BZW2: variants seen among roughly 807,000 people sequenced by gnomAD.
BZW2 encodes eIF5-mimic protein 1.
In BZW2, 23 loss-of-function variants were observed where a neutral mutation model predicts 53.2. The ratio of observed to expected loss-of-function variants is 0.43; its 90% CI spans 0.31 to 0.61. The LOEUF (loss-of-function observed/expected upper bound fraction) is 0.61. Ranked by LOEUF, BZW2 falls within the 20% of genes least tolerant of loss-of-function variation. BZW2 has a pLI of 0.09. For missense variants in BZW2, 409 were observed against 503.1 expected (o/e 0.81, Z 1.79); for synonymous variants, 227 against 186.4 (o/e 1.22, Z -1.77).
chr7:16,656,137 C>CTATATATATATATATA (rs1554264390), intron 1 of BZW2, among the ~76,000 whole-genome samples: 2 of 141,454 alleles, frequency 1.4e-5, no homozygotes, highest in African/African-American at 5.8e-5. Context: ...ATATAAATGA[C>CTATATATATATATATA]TATATATATA....
intron 3 of BZW2, among the ~76,000 whole-genome samples, chr7:16,674,973 A>G (rs1327435710): frequency 2.6e-5 from 4 of 152,254 alleles, no homozygotes; most frequent in Non-Finnish European, 5.9e-5. Flanking sequence ...CATTTCATCC[A>G]TAAATAAAGC....
At chr7:16,681,181 G>C (rs1782933572) in intron 3 of BZW2, 120 bp from the exon 4 acceptor site, 1 of 783,598 alleles carries the variant, frequency 1.3e-6, no homozygotes, top group South Asian at 1.8e-5. Flanking sequence ...AATTTTATGT[G>C]ACTCTTAGAT....
intron 1 of BZW2, among the ~76,000 whole-genome samples, chr7:16,647,804 T>G (rs1233992383): frequency 2.6e-5 from 4 of 152,214 alleles, no homozygotes; most frequent in Non-Finnish European, 4.4e-5. Flanking sequence ...GAACATGTGA[T>G]TTAGCATCTT....
chr7:16,682,726 C>A, intron 4 of BZW2, 54 bp from the exon 5 acceptor site: 2 of 1,168,258 alleles, frequency 1.7e-6, no homozygotes, highest in Non-Finnish European at 2.4e-6. Context: ...TTTCTATTAC[C>A]TACTTCTGTG....
intron 5 of BZW2, among the ~76,000 whole-genome samples, chr7:16,683,052 C>T (rs558200173): frequency 1.8e-4 from 28 of 151,900 alleles, no homozygotes; most frequent in African/African-American, 5.3e-4. Flanking sequence ...AAAAATTACC[C>T]GGGCATGGTG....
chr7:16,670,945 T>A (rs1782579896), intron 2 of BZW2, among the ~76,000 whole-genome samples: 1 of 152,250 alleles, frequency 6.6e-6, no homozygotes, highest in African/African-American at 2.4e-5. Flanking sequence ...AATGCCATTC[T>A]TCTCTGGTTC....
intron 1 of BZW2, among the ~76,000 whole-genome samples, chr7:16,649,390 G>C (rs1027901177): frequency 4.6e-5 from 7 of 152,186 alleles, no homozygotes; most frequent in African/African-American, 1.7e-4. Flanking sequence ...GTGGCACTAA[G>C]CACGCACAAT....
At chr7:16,659,810 G>A (rs1425747284) in intron 1 of BZW2, among the ~76,000 whole-genome samples, 2 of 151,640 alleles carry the variant, frequency 1.3e-5, no homozygotes, top group Non-Finnish European at 2.9e-5. Context: ...TTATACTTTG[G>A]GAATGATATT....
rs1442321655 is a variant in BZW2 at position 16,706,086 on chromosome 7, TA to T, written c.*1del. The T allele has an allele frequency of 1.2e-6, 2 of 1,613,660 alleles. No individual in the cohort carries two copies. Among genetic ancestry groups the T allele is most frequent in the East Asian group, 4.5e-5 (2 of 44,830 alleles). On this transcript the variant is annotated frameshift_variant and stop_lost, in exon 12 of 12. Coordinates refer to ENST00000258761, the MANE Select transcript of BZW2 (RefSeq NM_014038.3). LOFTEE classifies it high-confidence loss of function. ...ATCCGAATCGGAAGGTGAGGAAAATTAAATGGCTCAACAAGCACAATACCTA... is the reference window on the plus strand; with the variant it reads ...ATCCGAATCGGAAGGTGAGGAAAATTAATGGCTCAACAAGCACAATACCTA... Reference protein sequence around the residue: ...EESESEGEEN* With the variant: ...EESESEGEENX
chr7:16,669,122 T>G (rs777321064), intron 2 of BZW2, among the ~76,000 whole-genome samples: 5 of 152,162 alleles, frequency 3.3e-5, no homozygotes, highest in Admixed American at 6.5e-5. Context: ...GCTCTGTAAA[T>G]AATGTTTTTT....
At position 16,650,554 on chromosome 7, in the gene BZW2, T is replaced by G. The variant is rs570863817; in HGVS notation, c.-8+4266T>G. ...CTGAATACTTAATCTGACACCTACTTTCTAATTTGTGCAATTTTTTAAACT... is the reference window on the plus strand; with the variant it reads ...CTGAATACTTAATCTGACACCTACTGTCTAATTTGTGCAATTTTTTAAACT... On this transcript the variant is annotated intron_variant, in intron 1 of 11. Coordinates refer to ENST00000258761, the MANE Select transcript of BZW2 (RefSeq NM_014038.3). Among the ~76,000 whole-genome samples, 4 of 152,324 alleles carry G rather than the reference T, an allele frequency of 2.6e-5. No individual in the cohort carries two copies. The South Asian group carries it at 8.3e-4, about 32-fold the overall frequency.
At chr7:16,671,079 T>C (rs1387001938) in intron 2 of BZW2, among the ~76,000 whole-genome samples, 1 of 152,230 alleles carries the variant, frequency 6.6e-6, no homozygotes, top group African/African-American at 2.4e-5. Flanking sequence ...TTATCAAAGT[T>C]ATGCATGCAC....
intron 1 of BZW2, among the ~76,000 whole-genome samples, chr7:16,658,193 A>C (rs1782166703): frequency 6.6e-6 from 1 of 152,170 alleles, no homozygotes; most frequent in Non-Finnish European, 1.5e-5. Flanking sequence ...ACCTCTTAGA[A>C]AAGTAGAATT....
chr7:16,685,412 G>GT (rs553560253), intron 5 of BZW2, among the ~76,000 whole-genome samples: 4,174 of 141,740 alleles, frequency 0.029, 69 homozygotes, highest in African/African-American at 0.056. Context: ...ACTCTTTCCT[G>GT]TTTTTTTTTT....
At position 16,706,206 on chromosome 7, in the gene BZW2, A is replaced by G; in HGVS notation, c.*118A>G. The G allele has an allele frequency of 8.9e-7, 1 of 1,129,012 alleles. No individual in the cohort carries two copies. 69.9% of individuals were successfully genotyped at this position (1,129,012 alleles called of 1,614,324 possible). On this transcript the variant is annotated 3_prime_UTR_variant, in exon 12 of 12. Coordinates refer to ENST00000258761, the MANE Select transcript of BZW2 (RefSeq NM_014038.3). ...TCGCAAAGGAAAAAAAAAATAGGAT[A>G]GGCTTCCCTTGTGCAGAGGGAGAAA...
chr7:16,646,217 G>T lies in BZW2; in HGVS notation c.-79G>T. On this transcript the variant is annotated 5_prime_UTR_variant, in exon 1 of 12. Transcript: ENST00000258761. ...GTCTGCCGCCACTGCTGCTGCTGCT[G>T]CTGCTGCCGCTGCTGCTGCACGAAT... 2.9e-6 allele frequency: 1 copy of T among 344,098 alleles called. No homozygotes were observed. The highest frequency in any genetic ancestry group is 5.9e-6 in the Non-Finnish European group (1 of 168,806). The allele number at this position is 344,098 out of a possible 1,614,324, so 21.3% of individuals were successfully genotyped here.
chr7:16,695,606 AATG>A (rs766275989), intron 8 of BZW2, among the ~76,000 whole-genome samples: 8 of 152,200 alleles, frequency 5.3e-5, no homozygotes, highest in Non-Finnish European at 1.2e-4. Context: ...TTCACAAAGC[AATG>A]ACTATATCTT....
chr7:16,693,588 A>G (rs1173864729), intron 7 of BZW2, among the ~76,000 whole-genome samples: 1 of 152,220 alleles, frequency 6.6e-6, no homozygotes, highest in Non-Finnish European at 1.5e-5. Flanking sequence ...AACTTGGTTT[A>G]CCGTCTAGAA....
At chr7:16,662,389 G>C (rs1782293827) in intron 1 of BZW2, 1 of 152,010 alleles carries the variant, frequency 6.6e-6, no homozygotes, top group Non-Finnish European at 1.5e-5. Context: ...CACATACCTG[G>C]GTTATAAAGA....
Sources: gnomAD v4.1 joint callset for allele counts (sites outside exome capture counted in the v4.1 genomes callset) on GRCh38, gnomAD v4.1.1 for gene constraint, MANE v1.5 for transcripts, NCBI Gene and HGNC (gene_info 2026-07-23, HGNC 2026-07-21) for gene names.